CTNNA3: variants seen among roughly 807,000 people sequenced by gnomAD.
CTNNA3 encodes the protein catenin alpha-3.
In CTNNA3, 76 loss-of-function variants were observed where a neutral mutation model predicts 95.7. The ratio of observed to expected loss-of-function variants is 0.79; its 90% confidence interval spans 0.66 to 0.96. The LOEUF is 0.96. Among genes scored for constraint, CTNNA3 ranks in the 40% least tolerant of loss-of-function variants. The pLI is 0.00. For synonymous variants in CTNNA3, 431 were observed against 374.4 expected, an observed-to-expected ratio of 1.15 and a Z score of -1.74; for missense variants, 1,191 against 1,089.8, an observed-to-expected ratio of 1.09 and a Z score of -1.31.
chr10:66,168,242 G>T (rs2085240320), intron 13 of CTNNA3, among the ~76,000 whole-genome samples: 1 of 151,996 alleles, frequency 6.6e-6, no homozygotes. Context: ...ATACCATATT[G>T]TGAAGTGACA....
At chr10:67,669,119 T>G (rs1840385351) in intron 1 of CTNNA3, among the ~76,000 whole-genome samples, 1 of 152,254 alleles carries the variant, frequency 6.6e-6, no homozygotes, top group Non-Finnish European at 1.5e-5. Flanking sequence ...TGTATTTCAT[T>G]TATCTTCAAA....
intron 15 of CTNNA3, among the ~76,000 whole-genome samples, chr10:66,025,435 C>T (rs1393535260): frequency 6.6e-6 from 1 of 152,164 alleles, no homozygotes; most frequent in Non-Finnish European, 1.5e-5. Flanking sequence ...ACCCATGGGT[C>T]AAGTCAGCAA....
intron 5 of CTNNA3, among the ~76,000 whole-genome samples, chr10:67,471,605 T>C (rs1468457939): frequency 6.6e-6 from 1 of 152,170 alleles, no homozygotes; most frequent in Non-Finnish European, 1.5e-5. Context: ...ATTCCCCTAA[T>C]AAGAGTTGCA....
chr10:66,024,331 C>T (rs1437879297), intron 15 of CTNNA3, among the ~76,000 whole-genome samples: 3 of 152,078 alleles, frequency 2.0e-5, no homozygotes, highest in Admixed American at 6.6e-5. Context: ...CCTCGTGATC[C>T]GCCCACCTCG....
chr10:67,099,572 C>T (rs766303481), intron 7 of CTNNA3: 1 of 151,858 alleles, frequency 6.6e-6, no homozygotes, highest in South Asian at 2.1e-4. Flanking sequence ...AATGTAAAAG[C>T]GGATTCAAGA....
chr10:66,809,632 G>T (rs1393428586), intron 7 of CTNNA3, among the ~76,000 whole-genome samples: 1 of 152,090 alleles, frequency 6.6e-6, no homozygotes, highest in Non-Finnish European at 1.5e-5. Context: ...GAATGATATA[G>T]AATAGTCACG....
intron 15 of CTNNA3, among the ~76,000 whole-genome samples, chr10:66,021,940 A>G (rs1322162700): frequency 6.9e-6 from 1 of 144,766 alleles, no homozygotes; most frequent in Non-Finnish European, 1.5e-5. Context: ...TGTAGCCTTG[A>G]CTTCCCAGGC....
intron 11 of CTNNA3, among the ~76,000 whole-genome samples, chr10:66,385,747 T>A (rs984191001): frequency 1.4e-4 from 21 of 152,096 alleles, no homozygotes; most frequent in African/African-American, 5.1e-4. Context: ...TCCACCATGA[T>A]CAAGTAGGCT....
At chr10:66,370,815 T>C (rs1247868278) in intron 12 of CTNNA3, among the ~76,000 whole-genome samples, 1 of 152,164 alleles carries the variant, frequency 6.6e-6, no homozygotes, top group Admixed American at 6.5e-5. Flanking sequence ...GCTCAAGTGA[T>C]CCTCACACCT....
chr10:66,426,829 T>G (rs1272573589), intron 11 of CTNNA3, among the ~76,000 whole-genome samples: 1 of 151,892 alleles, frequency 6.6e-6, no homozygotes. Flanking sequence ...AAAAAATGCT[T>G]ATTCTTTGTG....
intron 11 of CTNNA3, among the ~76,000 whole-genome samples, chr10:66,509,684 T>C (rs1215290751): frequency 6.6e-6 from 1 of 152,038 alleles, no homozygotes; most frequent in African/African-American, 2.4e-5. Flanking sequence ...TGTAAATATA[T>C]AGATGTATTT....
At chr10:67,318,642 C>A (rs1036472148) in intron 5 of CTNNA3, among the ~76,000 whole-genome samples, 3 of 152,192 alleles carry the variant, frequency 2.0e-5, no homozygotes, top group Non-Finnish European at 4.4e-5. Flanking sequence ...TCAAACATGA[C>A]AAGCAGACTA....
At chr10:66,515,207 C>G (rs1023481902) in intron 11 of CTNNA3, among the ~76,000 whole-genome samples, 1 of 151,934 alleles carries the variant, frequency 6.6e-6, no homozygotes, top group African/African-American at 2.4e-5. Context: ...TGAGAATTCA[C>G]ACGTTTTCAC....
chr10:67,641,107 C>G (rs1839515341), intron 2 of CTNNA3, among the ~76,000 whole-genome samples: 1 of 152,186 alleles, frequency 6.6e-6, no homozygotes, highest in South Asian at 2.1e-4. Flanking sequence ...ATCTAGTCAT[C>G]TGACAAAGGG....
chr10:67,221,661 G>A (rs181653915), intron 5 of CTNNA3, among the ~76,000 whole-genome samples: 1 of 152,062 alleles, frequency 6.6e-6, no homozygotes, highest in East Asian at 1.9e-4. Flanking sequence ...TGCAAGCTCC[G>A]CCTCCTGGGT....
At chr10:67,626,054 C>T (rs1249124494) in intron 2 of CTNNA3, among the ~76,000 whole-genome samples, 1 of 151,770 alleles carries the variant, frequency 6.6e-6, no homozygotes, top group Admixed American at 6.6e-5. Context: ...TGGTGGCATG[C>T]ATCTGTAGTC....
At chr10:66,508,869 T>C (rs773972980) in intron 11 of CTNNA3, among the ~76,000 whole-genome samples, 4 of 152,152 alleles carry the variant, frequency 2.6e-5, no homozygotes, top group Admixed American at 1.3e-4. Context: ...ATTTCTTTAA[T>C]ACAATGATTT....
chr10:66,463,068 C>T (rs2093540332), intron 11 of CTNNA3, among the ~76,000 whole-genome samples: 1 of 152,072 alleles, frequency 6.6e-6, no homozygotes, highest in South Asian at 2.1e-4. Flanking sequence ...TTCTGCATTG[C>T]TATTACTTCT....
intron 10 of CTNNA3, among the ~76,000 whole-genome samples, chr10:66,543,905 GTGTGTGTATATATATATATATATATATA>G (rs1311017318): frequency 7.8e-5 from 8 of 102,222 alleles, no homozygotes; most frequent in Non-Finnish European, 1.1e-4. Context: ...TGAGATGTGT[GTGTGTGTATATATATATATATATATATA>G]TATATATATA....
Sources: gnomAD v4.1 joint callset for allele counts (sites outside exome capture counted in the v4.1 genomes callset) on GRCh38, gnomAD v4.1.1 for gene constraint, MANE v1.5 for transcripts, NCBI Gene and HGNC (gene_info 2026-07-23, HGNC 2026-07-21) for gene names.